PHACTR3: variants seen among roughly 807,000 people sequenced by gnomAD.
The protein encoded by PHACTR3 is protein phosphatase 1, regulatory subunit 123.
In PHACTR3, 16 loss-of-function variants were observed where a neutral mutation model predicts 66.8. The ratio of observed to expected loss-of-function variants is 0.24; its 90% CI spans 0.16 to 0.36. PHACTR3 has a LOEUF of 0.36. PHACTR3 is among the 10% of genes least tolerant of loss of function. The pLI is 1.00. For missense variants in PHACTR3, 647 were observed against 719.9 expected, an observed-to-expected ratio of 0.90 and a Z score of 1.16; for synonymous variants, 323 against 292.1, an observed-to-expected ratio of 1.11 and a Z score of -1.08.
chr20:59,577,730 T>C, intron 1 of PHACTR3: 1 of 739,188 alleles, frequency 1.4e-6, no homozygotes, highest in Non-Finnish European at 1.7e-6. Flanking sequence ...CCGTTGCGGG[T>C]GGCCGGGAGG....
In PHACTR3 at chr20:59,605,152, C is replaced by CGGGGGGGGGGGGGGGG; in HGVS notation, c.118+22_118+23insGGGGGGGGGGGGGGGG. 1.1e-5 allele frequency: 3 copies of CGGGGGGGGGGGGGGGG among 262,294 alleles called. No homozygotes were observed. Among genetic ancestry groups the CGGGGGGGGGGGGGGGG allele is most frequent in the Non-Finnish European group, 1.4e-5 (2 of 142,226 alleles). The allele number at this position is 262,294 out of a possible 1,614,324, so 16.2% of individuals were successfully genotyped here. A position where few individuals can be genotyped will look rare whatever the true frequency, so the allele number is the denominator to read the frequency against. The stretch of plus-strand genomic sequence containing the variant: ...ACCCAGGTAACGGGCTGGGCGGGGG[C>CGGGGGGGGGGGGGGGG]GGCGGGCGGGTCGGGGAGGCCCGAG... On this transcript the variant is annotated intron_variant, in intron 1 of 12. Coordinates refer to ENST00000371015, the MANE Select transcript of PHACTR3 (RefSeq NM_080672.5).
chr20:59,785,029 T>C (rs1268140843), intron 7 of PHACTR3, among the ~76,000 whole-genome samples: 6 of 150,838 alleles, frequency 4.0e-5, no homozygotes, highest in African/African-American at 1.5e-4. Flanking sequence ...GAGGGTGGGC[T>C]CCAGAGAAAA....
chr20:59,743,452 C>T (rs1400813451), intron 2 of PHACTR3, among the ~76,000 whole-genome samples, 184 bp downstream of exon 2: 1 of 152,216 alleles, frequency 6.6e-6, no homozygotes, highest in African/African-American at 2.4e-5. Context: ...GCCCACCTGG[C>T]CTCCCTGAAG....
chr20:59,762,947 G>C (rs535106840), intron 4 of PHACTR3, among the ~76,000 whole-genome samples: 2 of 152,334 alleles, frequency 1.3e-5, no homozygotes, highest in South Asian at 4.1e-4. Context: ...ATGGCGTGGG[G>C]CATCTGGTCT....
At chr20:59,824,175 G>A (rs1242711788) in intron 8 of PHACTR3, among the ~76,000 whole-genome samples, 2 of 152,126 alleles carry the variant, frequency 1.3e-5, no homozygotes, top group East Asian at 1.9e-4. Flanking sequence ...TCTACCAGAC[G>A]CCGTCACAGC....
intron 1 of PHACTR3, among the ~76,000 whole-genome samples, chr20:59,658,280 TTCTAAG>T (rs2035691642): frequency 6.6e-6 from 1 of 152,082 alleles, no homozygotes. Context: ...TTTGAAATCT[TTCTAAG>T]TCTGACACCT....
At chr20:59,756,574 G>A (rs1442684218) in intron 4 of PHACTR3, among the ~76,000 whole-genome samples, 1 of 145,498 alleles carries the variant, frequency 6.9e-6, no homozygotes, top group African/African-American at 2.4e-5. Flanking sequence ...TGGGGTCTGA[G>A]AGTTGTGACT....
At chr20:59,792,456 A>C (rs541528234) in intron 7 of PHACTR3, among the ~76,000 whole-genome samples, 2 of 152,314 alleles carry the variant, frequency 1.3e-5, no homozygotes, top group African/African-American at 4.8e-5. Context: ...TTAGAGTTTC[A>C]GTTCCTCCAC....
Position 59,743,242 on chromosome 20 carries a change from A to C in PHACTR3, c.254A>C (p.Asn85Thr). 6.2e-7 allele frequency: 1 copy of C among 1,614,062 alleles called. No homozygotes were observed. Among genetic ancestry groups the C allele is most frequent in the Non-Finnish European group, 8.5e-7 (1 of 1,179,978 alleles). ...CCCTGGAAATGGAGGAAAAAGAAAA[A>C]CGAAAAACTGAAGCAGACAACGTCA... ...FKPWKWRKKKNEKLKQTTSAL... is the reference protein window; with the variant it reads ...FKPWKWRKKKTEKLKQTTSAL... Residue 85 changes from asparagine (N) to threonine (T), a missense_variant, in exon 2 of 13, where the codon AAC (asparagine) becomes ACC (threonine). Physicochemically the swap from Asn to Thr is moderately conservative, Grantham distance 65 (BLOSUM62 0). This residue lies in a region of PHACTR3 where 577 missense variants were observed against 571.1 expected (regional missense o/e 1.01). Coordinates refer to ENST00000371015, the MANE Select transcript of PHACTR3 (RefSeq NM_080672.5).
chr20:59,673,682 G>C (rs971987868), intron 1 of PHACTR3, among the ~76,000 whole-genome samples: 1 of 152,184 alleles, frequency 6.6e-6, no homozygotes, highest in Non-Finnish European at 1.5e-5. Context: ...GGCTTGCTTG[G>C]TGCTGTCTTG....
chr20:59,793,899 A>G (rs1196221285), intron 7 of PHACTR3, among the ~76,000 whole-genome samples: 1 of 151,984 alleles, frequency 6.6e-6, no homozygotes, highest in African/African-American at 2.4e-5. Context: ...AGACAGGTGG[A>G]TTACTTGAGG....
intron 3 of PHACTR3, among the ~76,000 whole-genome samples, chr20:59,751,676 AC>A (rs1174893097): frequency 1.3e-5 from 2 of 150,758 alleles, no homozygotes; most frequent in Non-Finnish European, 1.5e-5. Context: ...AACCACTGTG[AC>A]CCCCTCCCCT....
At chr20:59,726,681 T>G (rs925781965) in intron 1 of PHACTR3, among the ~76,000 whole-genome samples, 9 of 152,164 alleles carry the variant, frequency 5.9e-5, no homozygotes, top group African/African-American at 1.9e-4. Flanking sequence ...GTACGATTCA[T>G]GTGTGCCAAT....
chr20:59,701,710 A>G, intron 1 of PHACTR3, among the ~76,000 whole-genome samples: 1 of 151,880 alleles, frequency 6.6e-6, no homozygotes, highest in South Asian at 2.1e-4. Flanking sequence ...ACAACTGATC[A>G]ACAAATGTTG....
At chr20:59,691,193 T>C (rs1175716064) in intron 1 of PHACTR3, among the ~76,000 whole-genome samples, 1 of 152,224 alleles carries the variant, frequency 6.6e-6, no homozygotes, top group Non-Finnish European at 1.5e-5. Flanking sequence ...AGCTTCCATG[T>C]GGCCTCGGGT....
rs2042081166 is a variant in PHACTR3 at position 59,822,592 on chromosome 20, A to C, written c.1329-13913A>C. On this transcript the variant is annotated intron_variant, in intron 8 of 12. Coordinates refer to ENST00000371015, the MANE Select transcript of PHACTR3 (RefSeq NM_080672.5). ...CTGGTGCACCTCAGTGCCATTGCTG[A>C]TGAAGGTCTGGGTCCGGTGGAAATG... 2.0e-5 allele frequency among the ~76,000 whole-genome samples: 3 copies of C among 151,898 alleles called. No homozygotes were observed. In the South Asian group the frequency reaches 6.2e-4, roughly 32 times the overall value.
At chr20:59,760,937 G>A (rs1347812039) in intron 4 of PHACTR3, among the ~76,000 whole-genome samples, 5 of 152,108 alleles carry the variant, frequency 3.3e-5, no homozygotes, top group African/African-American at 1.2e-4. Context: ...AGAAAACAGA[G>A]CCCAGAGAGG....
chr20:59,709,121 G>C (rs1367574573), intron 1 of PHACTR3, among the ~76,000 whole-genome samples: 1 of 152,208 alleles, frequency 6.6e-6, no homozygotes, highest in Non-Finnish European at 1.5e-5. Flanking sequence ...TGGAGACCCA[G>C]GGATTATTTT....
At chr20:59,661,696 C>T (rs1292607840) in intron 1 of PHACTR3, among the ~76,000 whole-genome samples, 1 of 151,802 alleles carries the variant, frequency 6.6e-6, no homozygotes, top group Non-Finnish European at 1.5e-5. Flanking sequence ...GATGCCAATA[C>T]ATGTGATTTT....
Sources: gnomAD v4.1 joint callset for allele counts (sites outside exome capture counted in the v4.1 genomes callset) on GRCh38, gnomAD v4.1.1 for gene constraint, gnomAD v4.1.1 regional missense constraint, MANE v1.5 for transcripts, NCBI Gene and HGNC (gene_info 2026-07-23, HGNC 2026-07-21) for gene names.